COL5A2: variants seen among roughly 807,000 people sequenced by gnomAD.
The protein encoded by COL5A2 is collagen type V alpha 2 chain.
COL5A2 carries 23 observed loss-of-function variants against 208.2 expected under a neutral mutation model. The ratio of observed to expected loss-of-function variants is 0.11; its 90% CI spans 0.08 to 0.16. COL5A2 has a LOEUF of 0.16. COL5A2 is among the 10% of genes least tolerant of loss of function. The pLI, the probability that COL5A2 is intolerant of heterozygous loss-of-function variation, is 1.00. For missense variants in COL5A2, 1,590 were observed against 1,956.4 expected, an observed-to-expected ratio of 0.81 and a Z score of 3.53; for synonymous variants, 625 against 628.5, an observed-to-expected ratio of 0.99 and a Z score of 0.08.
intron 1 of COL5A2, among the ~76,000 whole-genome samples, chr2:189,204,581 C>A (rs535432814): frequency 2.1e-4 from 32 of 152,298 alleles, no homozygotes; most frequent in Admixed American, 1.2e-3. Flanking sequence ...TCCATTTCAT[C>A]TTTAAACTTT....
intron 1 of COL5A2, among the ~76,000 whole-genome samples, chr2:189,117,228 G>A (rs1456162732): frequency 6.6e-6 from 1 of 152,134 alleles, no homozygotes; most frequent in Admixed American, 6.6e-5. Flanking sequence ...GTCTGGAAGA[G>A]CAGATTTCAG....
the COL5A2 span, among the ~76,000 whole-genome samples, chr2:189,305,329 C>T: frequency 1.3e-5 from 2 of 152,172 alleles, no homozygotes; most frequent in Non-Finnish European, 2.9e-5. Flanking sequence ...AACTTAATCG[C>T]CAATGCAGGA....
Position 189,075,416 on chromosome 2 carries a change from T to C in COL5A2, c.1081A>G (p.Met361Val), listed in dbSNP as rs76148000. The C allele has an allele frequency of 1.2e-6, 2 of 1,606,278 alleles. No individual in the cohort carries two copies. The highest frequency in any genetic ancestry group is 2.7e-5 in the African/African-American group (2 of 74,738). ...GAPGQRGAHGMPGKPGPMGPL... is the reference protein window; with the variant it reads ...GAPGQRGAHGVPGKPGPMGPL... ...ACCATTGGTCCAGGTTTTCCAGGCA[T>C]ACCATGTGCACCTCGTTGTCCCTAA... The change falls in exon 17 of 54, where the codon ATG becomes GTG. Residue 361 changes from methionine (M) to valine (V), a missense_variant. Physicochemically the swap from Met to Val is conservative, Grantham distance 21. Transcript: ENST00000374866.
intron 1 of COL5A2, among the ~76,000 whole-genome samples, chr2:189,129,371 T>C (rs549010108): frequency 6.6e-6 from 1 of 152,160 alleles, no homozygotes; most frequent in Admixed American, 6.5e-5. Flanking sequence ...ATCCATGTTT[T>C]TCAATATGAA....
the COL5A2 span, among the ~76,000 whole-genome samples, chr2:189,358,126 A>G: frequency 1.3e-5 from 2 of 151,740 alleles, no homozygotes; most frequent in African/African-American, 2.4e-5. Flanking sequence ...CCCACCTTCT[A>G]TGTCGATCTC....
intron 1 of COL5A2, among the ~76,000 whole-genome samples, chr2:189,210,754 A>G (rs759330325): frequency 1.3e-5 from 2 of 152,278 alleles, no homozygotes; most frequent in Admixed American, 6.5e-5. Flanking sequence ...TTTATAACTC[A>G]TTTTGTCCAG....
chr2:189,106,418 A>G (rs1687149448), intron 2 of COL5A2, among the ~76,000 whole-genome samples: 1 of 151,564 alleles, frequency 6.6e-6, no homozygotes, highest in South Asian at 2.1e-4. Flanking sequence ...GTTTATACAT[A>G]GTAAACCTAT....
intron 1 of COL5A2, among the ~76,000 whole-genome samples, chr2:189,124,869 A>T (rs1303550966): frequency 2.6e-5 from 4 of 151,946 alleles, no homozygotes; most frequent in Non-Finnish European, 5.9e-5. Context: ...GGCAATAAGG[A>T]TTAGAAATAA....
chr2:189,309,917 G>C, the COL5A2 span, among the ~76,000 whole-genome samples: 1 of 152,178 alleles, frequency 6.6e-6, no homozygotes, highest in Admixed American at 6.5e-5. Flanking sequence ...ATATTCTGTT[G>C]ACCAGGCTTA....
the COL5A2 span, among the ~76,000 whole-genome samples, chr2:189,386,771 G>A: frequency 6.6e-6 from 1 of 152,106 alleles, no homozygotes; most frequent in Non-Finnish European, 1.5e-5. Flanking sequence ...AAACCATAAT[G>A]AGATACCATT....
chr2:189,170,985 C>G (rs910817523), intron 1 of COL5A2, among the ~76,000 whole-genome samples: 1 of 151,952 alleles, frequency 6.6e-6, no homozygotes, highest in Non-Finnish European at 1.5e-5. Context: ...TGGTATTGTT[C>G]CTGCATGGCA....
chr2:189,398,932 T>TA, the COL5A2 span, among the ~76,000 whole-genome samples: 2 of 152,244 alleles, frequency 1.3e-5, no homozygotes, highest in Non-Finnish European at 2.9e-5. Context: ...TTTTTAAGTC[T>TA]AATAGTATTT....
rs758042459 is a variant in COL5A2, at chr2:189,066,757, T to C, written c.1427A>G (p.Lys476Arg). The C allele has an allele frequency of 6.2e-7, 1 of 1,613,752 alleles. No homozygotes were observed. The highest frequency in any genetic ancestry group is 2.2e-5 in the East Asian group (1 of 44,864). ...QPGDPGVPGF[K>R]GEAGPKGEPG... ...TTCCCCTTTTGGGCCAGCTTCTCCT[T>C]TGAAACCTGGAACTCCTGGATCACC... The change falls in exon 22 of 54, where the codon AAA (lysine) becomes AGA (arginine). Residue 476 changes from lysine (K) to arginine (R), a missense_variant. Physicochemically the swap from Lys to Arg is conservative, Grantham distance 26. Transcript: ENST00000374866.
the COL5A2 span, among the ~76,000 whole-genome samples, chr2:189,411,633 G>C: frequency 7.0e-6 from 1 of 143,184 alleles, no homozygotes; most frequent in Non-Finnish European, 1.6e-5. Context: ...GCAGTAAGAA[G>C]TTATATAGGT....
the COL5A2 span, among the ~76,000 whole-genome samples, chr2:189,272,343 G>A: frequency 6.6e-6 from 1 of 152,122 alleles, no homozygotes; most frequent in Non-Finnish European, 1.5e-5. Context: ...AAAAAAGGAT[G>A]AGTTCATGTC....
the COL5A2 span, among the ~76,000 whole-genome samples, chr2:189,252,422 C>A: frequency 6.6e-6 from 1 of 152,154 alleles, no homozygotes; most frequent in Admixed American, 6.5e-5. Flanking sequence ...CCATGGAATA[C>A]TATGCAGCCA....
At chr2:189,051,192 T>C (rs1685779165) in intron 42 of COL5A2, 128 bp downstream of exon 42, 3 of 1,112,214 alleles carry the variant, frequency 2.7e-6, no homozygotes, top group Non-Finnish European at 4.0e-6. Context: ...ATAGATTTAA[T>C]GCACTTTAAA....
chr2:189,164,680 C>T (rs1367878188), intron 1 of COL5A2, among the ~76,000 whole-genome samples: 1 of 151,958 alleles, frequency 6.6e-6, no homozygotes, highest in African/African-American at 2.4e-5. Flanking sequence ...ATAATATATG[C>T]TTATGTAATA....
intron 1 of COL5A2, among the ~76,000 whole-genome samples, chr2:189,120,123 ATACT>A (rs1687471103): frequency 6.6e-6 from 1 of 152,144 alleles, no homozygotes; most frequent in African/African-American, 2.4e-5. Context: ...ATTTTATTAA[ATACT>A]TGTTTAGTAC....
Sources: allele counts gnomAD v4.1 joint callset (sites outside exome capture counted in the v4.1 genomes callset), GRCh38; gene constraint gnomAD v4.1.1; transcripts MANE v1.5; gene names NCBI Gene and HGNC (gene_info 2026-07-23, HGNC 2026-07-21).